The following PHYHIPL variants were observed in gnomAD, a reference collection of about 807,000 sequenced individuals.
PHYHIPL encodes phytanoyl-CoA hydroxylase-interacting protein-like.
In PHYHIPL, 9 loss-of-function variants were observed where a neutral mutation model predicts 33.4. The ratio of observed to expected loss-of-function variants is 0.27; its 90% CI spans 0.16 to 0.47. PHYHIPL has a LOEUF of 0.47. Ranked by LOEUF, PHYHIPL falls within the 20% of genes least tolerant of loss-of-function variation. The pLI is 0.99. For synonymous variants in PHYHIPL, 153 were observed against 154.1 expected, an observed-to-expected ratio of 0.99 and a Z score of 0.05; for missense variants, 365 against 460.7, an observed-to-expected ratio of 0.79 and a Z score of 1.90.
chr10:59,180,534 C>T (rs1272147663), intron 1 of PHYHIPL, among the ~76,000 whole-genome samples: 1 of 151,368 alleles, frequency 6.6e-6, no homozygotes, highest in Non-Finnish European at 1.5e-5. Context: ...TTTCATGAGT[C>T]CGGCACTTTA....
chr10:59,232,342 AG>A (rs1840103438), intron 1 of PHYHIPL, among the ~76,000 whole-genome samples: 1 of 152,034 alleles, frequency 6.6e-6, no homozygotes, highest in African/African-American at 2.4e-5. Flanking sequence ...TTGAAAATGA[AG>A]ATTTTTAATA....
At chr10:59,181,037 C>G (rs145231873) in intron 1 of PHYHIPL, among the ~76,000 whole-genome samples, 1 of 152,132 alleles carries the variant, frequency 6.6e-6, no homozygotes, top group African/African-American at 2.4e-5. Flanking sequence ...AGAATATTGG[C>G]TCTTGAAAGC....
chr10:59,182,499 C>A (rs1012638399), intron 1 of PHYHIPL, among the ~76,000 whole-genome samples: 1 of 152,108 alleles, frequency 6.6e-6, no homozygotes, highest in African/African-American at 2.4e-5. Context: ...CCCGCCACCA[C>A]ACCCAGCTAA....
At chr10:59,184,984 ATTTTTTT>A (rs34336392) in intron 1 of PHYHIPL, among the ~76,000 whole-genome samples, 3 of 92,094 alleles carry the variant, frequency 3.3e-5, no homozygotes, top group African/African-American at 4.8e-5. Flanking sequence ...TGAACTCATC[ATTTTTTT>A]TTTTTTTTTT....
intron 1 of PHYHIPL, among the ~76,000 whole-genome samples, chr10:59,198,127 A>C (rs1278907855): frequency 6.6e-6 from 1 of 152,100 alleles, no homozygotes; most frequent in Non-Finnish European, 1.5e-5. Flanking sequence ...ATATGTATAC[A>C]TGTGCCATGT....
chr10:59,230,167 G>A (rs7096983), intron 1 of PHYHIPL, among the ~76,000 whole-genome samples: 149,043 of 150,866 alleles, frequency 0.99, 73,647 homozygotes, highest in Middle Eastern at 1. Flanking sequence ...TATGATATGT[G>A]CTTATGCATC....
intron 1 of PHYHIPL, among the ~76,000 whole-genome samples, chr10:59,194,266 G>A (rs1371989129): frequency 6.6e-6 from 1 of 151,388 alleles, no homozygotes; most frequent in Admixed American, 6.6e-5. Context: ...GTATTTCTAA[G>A]ATATTTATTT....
intron 1 of PHYHIPL, among the ~76,000 whole-genome samples, chr10:59,185,489 A>AT (rs1291612568): frequency 6.6e-6 from 1 of 152,036 alleles, no homozygotes; most frequent in East Asian, 1.9e-4. Context: ...CAGTAATGGG[A>AT]TGGCTGGGTC....
intron 1 of PHYHIPL, among the ~76,000 whole-genome samples, chr10:59,225,932 C>T (rs1316568962): frequency 6.6e-6 from 1 of 151,930 alleles, no homozygotes; most frequent in Non-Finnish European, 1.5e-5. Flanking sequence ...AAAATGAGAC[C>T]TATCTATGAA....
intron 1 of PHYHIPL, among the ~76,000 whole-genome samples, chr10:59,226,280 GA>G (rs2133268903): frequency 6.6e-6 from 1 of 152,140 alleles, no homozygotes; most frequent in Admixed American, 6.5e-5. Flanking sequence ...GAATGTAAAG[GA>G]AAAGATACAG....
intron 1 of PHYHIPL, among the ~76,000 whole-genome samples, chr10:59,189,831 G>A (rs746473464): frequency 6.6e-6 from 1 of 151,854 alleles, no homozygotes; most frequent in Non-Finnish European, 1.5e-5. Context: ...GTAGGAGAGG[G>A]GTATTTCTGG....
chr10:59,176,765 TC>T lies in PHYHIPL; in HGVS notation c.-84del. The T allele has an allele frequency of 8.4e-7, 1 of 1,185,728 alleles. No homozygotes were observed. Among genetic ancestry groups the T allele is most frequent in the Non-Finnish European group, 1.2e-6 (1 of 840,854 alleles). 73.5% of individuals were successfully genotyped at this position (1,185,728 alleles called of 1,614,324 possible). ...AGGCCTCCTTCCCTCCCTCTGCCAC[TC>T]CCCCTCCCTTTCCCGCTCTTCTTGC... is the stretch of plus-strand genomic sequence containing the variant. On this transcript the variant is annotated 5_prime_UTR_variant, in exon 1 of 5. Coordinates refer to ENST00000373880, the MANE Select transcript of PHYHIPL (RefSeq NM_032439.4).
intron 1 of PHYHIPL, among the ~76,000 whole-genome samples, chr10:59,231,065 T>TA (rs1210168864): frequency 6.6e-6 from 1 of 150,722 alleles, no homozygotes; most frequent in African/African-American, 2.4e-5. Flanking sequence ...AGCACATTTT[T>TA]AAAAAATATA....
chr10:59,190,114 G>A (rs1838744500), intron 1 of PHYHIPL, among the ~76,000 whole-genome samples: 1 of 151,964 alleles, frequency 6.6e-6, no homozygotes, highest in Non-Finnish European at 1.5e-5. Context: ...TATACGTACA[G>A]CATTTTTCAA....
chr10:59,209,037 A>G (rs890603478), intron 1 of PHYHIPL, among the ~76,000 whole-genome samples: 1 of 152,160 alleles, frequency 6.6e-6, no homozygotes, highest in Non-Finnish European at 1.5e-5. Flanking sequence ...TCCCCAATCT[A>G]GCAAGGCAGG....
chr10:59,207,239 A>G (rs1165517207), intron 1 of PHYHIPL, among the ~76,000 whole-genome samples: 1 of 152,154 alleles, frequency 6.6e-6, no homozygotes, highest in Non-Finnish European at 1.5e-5. Flanking sequence ...AGCTCATCTC[A>G]TTGGGACTGG....
chr10:59,197,720 G>C (rs1838958058), intron 1 of PHYHIPL, among the ~76,000 whole-genome samples: 1 of 152,090 alleles, frequency 6.6e-6, no homozygotes, highest in Non-Finnish European at 1.5e-5. Context: ...ATTTAGGATT[G>C]TGTATGTTGG....
chr10:59,242,123 A>G (rs945227167), intron 4 of PHYHIPL, among the ~76,000 whole-genome samples: 1 of 152,162 alleles, frequency 6.6e-6, no homozygotes, highest in Non-Finnish European at 1.5e-5. Context: ...ATCCTCTGCT[A>G]GGGTGGTATC....
intron 1 of PHYHIPL, among the ~76,000 whole-genome samples, chr10:59,215,572 G>GT (rs879869616): frequency 1.4e-4 from 22 of 151,878 alleles, no homozygotes; most frequent in Non-Finnish European, 2.7e-4. Context: ...GTATTCATAT[G>GT]TATCTTACAC....
Sources: allele counts gnomAD v4.1 joint callset (sites outside exome capture counted in the v4.1 genomes callset), GRCh38; gene constraint gnomAD v4.1.1; transcripts MANE v1.5; gene names NCBI Gene and HGNC (gene_info 2026-07-23, HGNC 2026-07-21).